Variants in LURAP1L observed in about 807,000 individuals in gnomAD.
The protein encoded by LURAP1L is leucine rich adaptor protein 1-like.
A neutral mutation model predicts 13.8 loss-of-function variants in LURAP1L; 12 were observed. The ratio of observed to expected loss-of-function variants is 0.87; its 90% confidence interval spans 0.56 to 1.41. The LOEUF (loss-of-function observed/expected upper bound fraction) is 1.41, where lower values mean the gene tolerates loss of function less well. Among genes scored for constraint, LURAP1L ranks in the 40% most tolerant of loss-of-function variants. The pLI, the probability that LURAP1L is intolerant of heterozygous loss-of-function variation, is 0.00. For synonymous variants in LURAP1L, 139 were observed against 119.2 expected, an observed-to-expected ratio of 1.17 and a Z score of -1.08; for missense variants, 375 against 292.9, an observed-to-expected ratio of 1.28 and a Z score of -2.04.
At chr9:12,782,661 T>G (rs1405871453) in intron 1 of LURAP1L, among the ~76,000 whole-genome samples, 1 of 151,988 alleles carries the variant, frequency 6.6e-6, no homozygotes, top group Non-Finnish European at 1.5e-5. Flanking sequence ...TAATTTGAAG[T>G]CAGTTTTGTT....
chr9:12,821,420 G>A lies in LURAP1L; in HGVS notation c.347G>A (p.Arg116His). ...AGAGCCACAGACGTCAGGCTCATGC[G>A]CCAGTTGCTTGTAATCAATGAGAGC... ...NLRATDVRLM[R>H]QLLVINESIE... The change falls in exon 2 of 2, where the codon CGC becomes CAC. Residue 116 changes from arginine (R) to histidine (H), a missense_variant. Physicochemically the swap from Arg to His is conservative, Grantham distance 29 (BLOSUM62 0). Coordinates refer to ENST00000319264, the MANE Select transcript of LURAP1L (RefSeq NM_203403.2). The A allele has an allele frequency of 6.2e-7, 1 of 1,614,066 alleles. No individual in the cohort carries two copies. The highest frequency in any genetic ancestry group is 8.5e-7 in the Non-Finnish European group (1 of 1,179,986).
At chr9:12,818,635 A>G (rs1222341628) in intron 1 of LURAP1L, among the ~76,000 whole-genome samples, 2 of 152,204 alleles carry the variant, frequency 1.3e-5, no homozygotes, top group African/African-American at 4.8e-5. Flanking sequence ...AGGAGGCTGG[A>G]GCCCTCAAGT....
intron 1 of LURAP1L, among the ~76,000 whole-genome samples, chr9:12,781,844 A>G (rs892538515): frequency 2.6e-5 from 4 of 152,204 alleles, no homozygotes; most frequent in Non-Finnish European, 1.5e-5. Context: ...ACTGTTCTCC[A>G]TAGTGGCTAT....
intron 1 of LURAP1L, among the ~76,000 whole-genome samples, chr9:12,791,434 T>C (rs1242707224): frequency 1.3e-5 from 2 of 152,020 alleles, no homozygotes; most frequent in African/African-American, 4.8e-5. Context: ...GTACATACAA[T>C]ATTGTTGGTT....
At chr9:12,805,136 T>C (rs1752824452) in intron 1 of LURAP1L, among the ~76,000 whole-genome samples, 1 of 152,192 alleles carries the variant, frequency 6.6e-6, no homozygotes, top group Non-Finnish European at 1.5e-5. Context: ...TCATCTTGAT[T>C]CTTACATACT....
intron 1 of LURAP1L, among the ~76,000 whole-genome samples, chr9:12,804,472 A>C (rs1819628981): frequency 6.6e-6 from 1 of 151,520 alleles, no homozygotes; most frequent in Non-Finnish European, 1.5e-5. Flanking sequence ...GCTTCCCAGT[A>C]GGTGGGATTA....
chr9:12,788,439 G>A, intron 1 of LURAP1L, among the ~76,000 whole-genome samples: 1 of 151,898 alleles, frequency 6.6e-6, no homozygotes, highest in Non-Finnish European at 1.5e-5. Context: ...CCTTAATTTG[G>A]CAATTCTGGT....
In LURAP1L at chr9:12,775,782, A is replaced by G. The variant is rs781478824; in HGVS notation, c.67A>G (p.Ser23Gly). 62 of 1,609,096 alleles carry G rather than the reference A, an allele frequency of 3.9e-5. No individual in the cohort carries two copies. Among genetic ancestry groups the G allele is most frequent in the Non-Finnish European group, 5.3e-5 (62 of 1,178,478 alleles). The part of the protein sequence containing the change: ...ELKLGRKVPE[S>G]LVRSLRGEEP... The stretch of plus-strand genomic sequence containing the variant: ...GAAGCTGGGGCGCAAAGTACCCGAG[A>G]GTCTAGTGCGCTCTCTCCGTGGGGA... Residue 23 changes from serine to glycine, a missense_variant, in exon 1 of 2, where the codon AGT (serine) becomes GGT (glycine). Coordinates refer to ENST00000319264, the MANE Select transcript of LURAP1L (RefSeq NM_203403.2).
At chr9:12,786,581 T>TATATATATAAC (rs61134838) in intron 1 of LURAP1L, among the ~76,000 whole-genome samples, 2 of 121,436 alleles carry the variant, frequency 1.6e-5, no homozygotes, top group Non-Finnish European at 3.6e-5. Context: ...TATATATATA[T>TATATATATAAC]AAACCCTTGT....
intron 1 of LURAP1L, among the ~76,000 whole-genome samples, chr9:12,809,678 G>A (rs80017887): frequency 6.6e-6 from 1 of 152,132 alleles, no homozygotes; most frequent in Non-Finnish European, 1.5e-5. Context: ...AGAGTGGCTT[G>A]TAATTCTTTG....
rs117380566 is a variant in LURAP1L, at chr9:12,813,434, C to G, written c.313-7952C>G. 6.4e-3 allele frequency among the ~76,000 whole-genome samples: 970 copies of G among 152,194 alleles called. 8 individuals carry two copies. The highest frequency in any genetic ancestry group is 9.7e-3 in the Non-Finnish European group (657 of 67,982). ...GTATATGCTCTAGTACCGAGTATCT[C>G]TTATCAATCCCATGTTTATGTTTAA... On this transcript the variant is annotated intron_variant, in intron 1 of 1. Transcript: ENST00000319264.
intron 1 of LURAP1L, among the ~76,000 whole-genome samples, chr9:12,806,553 G>T (rs1336522437): frequency 6.6e-6 from 1 of 151,978 alleles, no homozygotes; most frequent in Non-Finnish European, 1.5e-5. Context: ...CTTGGGCTAT[G>T]CTCCATTTTA....
At chr9:12,820,513 CCAA>C (rs1423870948) in intron 1 of LURAP1L, among the ~76,000 whole-genome samples, 1 of 65,008 alleles carries the variant, frequency 1.5e-5, no homozygotes, top group African/African-American at 7.5e-5. Context: ...CCCCCCCCCC[CCAA>C]AAAAAAAAAA....
intron 1 of LURAP1L, among the ~76,000 whole-genome samples, chr9:12,786,527 G>T (rs1819352690): frequency 1.6e-5 from 1 of 61,724 alleles, no homozygotes; most frequent in Admixed American, 1.9e-4. Context: ...AGATTAAATG[G>T]CTAACATGTA....
intron 1 of LURAP1L, among the ~76,000 whole-genome samples, chr9:12,820,514 CA>C (rs1160341281): frequency 0.018 from 729 of 41,542 alleles, 5 homozygotes; most frequent in African/African-American, 0.032. Context: ...CCCCCCCCCC[CA>C]AAAAAAAAAA....
Sources: allele counts gnomAD v4.1 joint callset (sites outside exome capture counted in the v4.1 genomes callset), GRCh38; gene constraint gnomAD v4.1.1; transcripts MANE v1.5; gene names NCBI Gene and HGNC (gene_info 2026-07-23, HGNC 2026-07-21).